Variants in RNF17 observed in about 807,000 individuals in gnomAD.
RNF17 encodes the protein spermatogenesis associated 23.
In RNF17, 31 loss-of-function variants were observed where a neutral mutation model predicts 200.5. The observed-to-expected ratio is 0.15, with a 90% CI of 0.12 to 0.21. The LOEUF is 0.21. RNF17 is among the 10% of genes least tolerant of loss of function. The pLI is 1.00. For missense variants in RNF17, 1,628 were observed against 1,905.1 expected (o/e 0.85, Z 2.71); for synonymous variants, 606 against 637.8 (o/e 0.95, Z 0.75).
chr13:24,877,922 C>T (rs1213274717), intron 34 of RNF17, among the ~76,000 whole-genome samples: 1 of 152,210 alleles, frequency 6.6e-6, no homozygotes, highest in Non-Finnish European at 1.5e-5. Context: ...ATTTAGCACA[C>T]AGTGTTTTAA....
rs1892227690 is a variant in RNF17 at position 24,854,150 on chromosome 13, A to C, written c.3610+6A>C. ...TGTAGTACCTAAACTATCAGGTGAGACCTTCTATGTTATGTAGGCTCTAGT... is the reference window on the plus strand; with the variant it reads ...TGTAGTACCTAAACTATCAGGTGAGCCCTTCTATGTTATGTAGGCTCTAGT... On this transcript the variant is annotated splice_donor_region_variant and intron_variant, in intron 25 of 35. Transcript: ENST00000255324. 1 of 1,602,400 alleles carries C rather than the reference A, an allele frequency of 6.2e-7. No individual in the cohort carries two copies.
chr13:24,804,490 A>G, intron 15 of RNF17, 61 bp downstream of exon 15: 1 of 1,277,296 alleles, frequency 7.8e-7, no homozygotes, highest in African/African-American at 1.5e-5. Flanking sequence ...AGACATGTAT[A>G]ACAAGAATGA....
upstream of RNF17, among the ~76,000 whole-genome samples, chr13:24,763,274 C>T (rs1233082385): frequency 6.7e-6 from 1 of 150,268 alleles, no homozygotes; most frequent in Non-Finnish European, 1.5e-5. Flanking sequence ...ATGATCTCGG[C>T]TCACTGCAAG....
At chr13:24,878,196 A>G (rs912855863) in intron 34 of RNF17, among the ~76,000 whole-genome samples, 1 of 152,234 alleles carries the variant, frequency 6.6e-6, no homozygotes. Context: ...AAATGAGCTC[A>G]TAATCAGTCA....
intron 15 of RNF17, among the ~76,000 whole-genome samples, chr13:24,806,121 C>A (rs1335186610): frequency 6.6e-6 from 1 of 152,034 alleles, no homozygotes; most frequent in Non-Finnish European, 1.5e-5. Context: ...CCACTTATGA[C>A]TGAGAACATG....
chr13:24,812,185 T>A (rs4617696), intron 15 of RNF17, among the ~76,000 whole-genome samples: 1 of 147,044 alleles, frequency 6.8e-6, no homozygotes, highest in Admixed American at 7.1e-5. Flanking sequence ...TCGAGCTTCC[T>A]GGCTGCTTTG....
At chr13:24,778,168 G>A in intron 3 of RNF17, 127 bp from the exon 4 acceptor site, 1 of 607,154 alleles carries the variant, frequency 1.6e-6, no homozygotes, top group Non-Finnish European at 2.9e-6. Context: ...AGACTGAGGT[G>A]GGATGATCGC....
chr13:24,804,082 G>A (rs1885564634), intron 14 of RNF17, among the ~76,000 whole-genome samples: 1 of 152,066 alleles, frequency 6.6e-6, no homozygotes, highest in Admixed American at 6.6e-5. Flanking sequence ...GTCAACCTGG[G>A]CAATGTAGGG....
At chr13:24,843,527 A>G (rs900604415) in intron 19 of RNF17, among the ~76,000 whole-genome samples, 5 of 152,038 alleles carry the variant, frequency 3.3e-5, no homozygotes, top group African/African-American at 1.2e-4. Flanking sequence ...AAAAAAAAAA[A>G]ATTTTTTTTG....
rs899352115 is a variant in RNF17, at chr13:24,764,888, G to GGGGGGGT, written c.130+556_130+557insGGGGGTG. ...ATAGTTTCTTTTGTGCACCTTGTGGGGTGTGTGTGTGTGTGTGTGTGTGTG... is the reference window on the plus strand; with the variant it reads ...ATAGTTTCTTTTGTGCACCTTGTGGGGGGGGGTGTGTGTGTGTGTGTGTGTGTGTGTG... On this transcript the variant is annotated intron_variant, in intron 1 of 35. Transcript: ENST00000255324. Among the ~76,000 whole-genome samples, 4 of 134,174 alleles carry GGGGGGGT rather than the reference G, an allele frequency of 3.0e-5. No homozygotes were observed. The East Asian group carries it at 8.2e-4, about 27-fold the overall frequency. The allele number at this position is 134,174 out of a possible 152,430, so 88.0% of individuals were successfully genotyped here.
rs1464116789 is a variant in RNF17, at chr13:24,831,861, A to G, written c.2365A>G (p.Ile789Val). Reference protein sequence around the residue: ...DEFLNAPEKAIKCKLAYIEPY... With the variant: ...DEFLNAPEKAVKCKLAYIEPY... The stretch of plus-strand genomic sequence containing the variant: ...GGTGGAATTTTGTCTGACACAGGCA[A>G]TTAAATGTAAGTTGGCCTATATTGA... The change falls in exon 18 of 36, where the codon ATT (isoleucine) becomes GTT (valine). Residue 789 changes from isoleucine to valine, a missense_variant. By Grantham distance (29) the Ile-to-Val change is conservative. Coordinates refer to ENST00000255324, the MANE Select transcript of RNF17 (RefSeq NM_031277.3). 12 of 1,593,752 alleles carry G rather than the reference A, an allele frequency of 7.5e-6. No individual in the cohort carries two copies. The highest frequency in any genetic ancestry group is 1.2e-5 in the South Asian group (1 of 85,708).
At chr13:24,760,883 T>C (rs1474383837), upstream of RNF17, among the ~76,000 whole-genome samples, 1 of 152,152 alleles carries the variant, frequency 6.6e-6, no homozygotes, top group Non-Finnish European at 1.5e-5. Flanking sequence ...TCAATGTCAC[T>C]AATCATCAGG....
At chr13:24,780,839 G>C (rs1393547008) in intron 5 of RNF17, among the ~76,000 whole-genome samples, 1 of 151,878 alleles carries the variant, frequency 6.6e-6, no homozygotes, top group Admixed American at 6.6e-5. Context: ...CCAAGATCGT[G>C]CCACTGTACT....
At position 24,862,797 on chromosome 13, in the gene RNF17, A is replaced by T; in HGVS notation, c.3975+4A>T. The T allele has an allele frequency of 6.7e-7, 1 of 1,496,314 alleles. No homozygotes were observed. The highest frequency in any genetic ancestry group is 9.3e-7 in the Non-Finnish European group (1 of 1,073,240). 92.7% of individuals were successfully genotyped at this position (1,496,314 alleles called of 1,614,324 possible). ...ACAGGTGGACATTCACATTATGGTA[A>T]TTTAAAGTATATATAGTTGTTATAA... is the stretch of plus-strand genomic sequence containing the variant. On this transcript the variant is annotated splice_donor_region_variant and intron_variant, in intron 28 of 35. Coordinates refer to ENST00000255324, the MANE Select transcript of RNF17 (RefSeq NM_031277.3).
intron 33 of RNF17, among the ~76,000 whole-genome samples, chr13:24,876,360 T>G (rs188940913): frequency 0.011 from 1,716 of 152,356 alleles, 41 homozygotes; most frequent in African/African-American, 0.037. Context: ...TCCCCGCTTT[T>G]GGGTCTTGTG....
At chr13:24,781,195 GTTTTT>G (rs1181664545) in intron 5 of RNF17, among the ~76,000 whole-genome samples, 1 of 148,330 alleles carries the variant, frequency 6.7e-6, no homozygotes, top group South Asian at 2.1e-4. Flanking sequence ...GGTTTCTACG[GTTTTT>G]TTTTTAATCC....
chr13:24,883,387 AAT>A (rs377433519), downstream of RNF17: 76 of 1,558,974 alleles, frequency 4.9e-5, no homozygotes, highest in African/African-American at 7.8e-4. Context: ...ATTTAAAAAA[AAT>A]ATGATTTCTT....
chr13:24,841,118 A>T lies in RNF17; in HGVS notation c.2483-923A>T, dbSNP rs138998385. 7.5e-4 allele frequency among the ~76,000 whole-genome samples: 114 copies of T among 152,320 alleles called. 1 individual carries two copies. In the East Asian group the frequency reaches 0.021, roughly 29 times the overall value. On this transcript the variant is annotated intron_variant, in intron 18 of 35. Transcript: ENST00000255324. Reference sequence around the variant, plus strand: ...ACTTATTGACCAATTTCCCTGTGCAAAGTACCATAAATAAGTAAATAGACA... The same window carrying T: ...ACTTATTGACCAATTTCCCTGTGCATAGTACCATAAATAAGTAAATAGACA...
rs140457030 is a variant in RNF17 at position 24,842,094 on chromosome 13, C to T, written c.2536C>T (p.Pro846Ser). The T allele has an allele frequency of 1.4e-5, 23 of 1,610,518 alleles. No homozygotes were observed. The African/African-American group carries it at 2.7e-4, about 19-fold the overall frequency. Reference protein sequence around the residue: ...LVELFDSLGAPEMTTTSINDQ... With the variant: ...LVELFDSLGASEMTTTSINDQ... ...TGAGCTTTTCGATTCTCTTGGTGCT[C>T]CTGAAATGACTACTACTAGTATTAA... is the stretch of plus-strand genomic sequence containing the variant. The change falls in exon 19 of 36, where the codon CCT becomes TCT. Residue 846 changes from proline (P) to serine (S), a missense_variant. Transcript: ENST00000255324.
Sources: gnomAD v4.1 joint callset for allele counts (sites outside exome capture counted in the v4.1 genomes callset) on GRCh38, gnomAD v4.1.1 for gene constraint, MANE v1.5 for transcripts, NCBI Gene and HGNC (gene_info 2026-07-23, HGNC 2026-07-21) for gene names.